The following USH2A variants were observed in gnomAD, a reference collection of about 807,000 sequenced individuals.
USH2A encodes the protein usherin.
In USH2A, 443 loss-of-function variants were observed where a neutral mutation model predicts 538.9. The ratio of observed to expected loss-of-function variants is 0.82; its 90% CI spans 0.76 to 0.89. The LOEUF (loss-of-function observed/expected upper bound fraction) is 0.89. Ranked by LOEUF, USH2A falls within the 40% of genes least tolerant of loss-of-function variation. The pLI, the probability that USH2A is intolerant of heterozygous loss-of-function variation, is 0.00. For missense variants in USH2A, 6,633 were observed against 6,324.8 expected (o/e 1.05, Z -1.65); for synonymous variants, 2,413 against 2,273.5 (o/e 1.06, Z -1.75).
intron 58 of USH2A, among the ~76,000 whole-genome samples, chr1:215,748,504 A>G (rs1454280347): frequency 6.6e-6 from 1 of 152,226 alleles, no homozygotes. Context: ...ACCTTAAAGA[A>G]ACTGCAAGCT....
intron 4 of USH2A, among the ~76,000 whole-genome samples, chr1:216,333,447 A>T (rs2102667937): frequency 6.6e-6 from 1 of 152,246 alleles, no homozygotes; most frequent in Admixed American, 6.5e-5. Context: ...TTGAGAAATT[A>T]ACAAAGCCCC....
At chr1:215,988,679 T>A (rs1338887144) in intron 35 of USH2A, among the ~76,000 whole-genome samples, 1 of 152,192 alleles carries the variant, frequency 6.6e-6, no homozygotes, top group African/African-American at 2.4e-5. Context: ...TTGTTTTCTG[T>A]TTTTTTCTTT....
intron 40 of USH2A, among the ~76,000 whole-genome samples, chr1:215,899,123 C>A (rs1216147851): frequency 1.3e-5 from 2 of 152,066 alleles, no homozygotes; most frequent in African/African-American, 4.8e-5. Context: ...TAAAATAATG[C>A]AATTAAAGGT....
intron 32 of USH2A, among the ~76,000 whole-genome samples, chr1:216,023,484 C>T (rs12023039): frequency 1.4e-5 from 1 of 72,474 alleles, no homozygotes; most frequent in African/African-American, 5.3e-5. Context: ...AAAAAAAAAT[C>T]AAAAAACAAA....
intron 21 of USH2A, among the ~76,000 whole-genome samples, chr1:216,139,839 T>C (rs1266978741): frequency 6.6e-6 from 1 of 152,218 alleles, no homozygotes; most frequent in Non-Finnish European, 1.5e-5. Context: ...AGGCCGCTGG[T>C]TATATATTTG....
intron 50 of USH2A, among the ~76,000 whole-genome samples, chr1:215,798,257 T>A (rs1474714253): frequency 6.6e-6 from 1 of 152,168 alleles, no homozygotes; most frequent in East Asian, 1.9e-4. Flanking sequence ...ACTGTGAACA[T>A]TAACTTCATA....
intron 61 of USH2A, among the ~76,000 whole-genome samples, chr1:215,688,733 T>G (rs1658510334): frequency 6.6e-6 from 1 of 152,086 alleles, no homozygotes; most frequent in African/African-American, 2.4e-5. Context: ...ACATTAATCC[T>G]ATAGGATGAA....
chr1:215,877,768 C>T lies in USH2A; in HGVS notation c.8671G>A (p.Gly2891Ser), dbSNP rs1316891540. 1.9e-6 allele frequency: 3 copies of T among 1,613,632 alleles called. No individual in the cohort carries two copies. The highest frequency in any genetic ancestry group is 2.5e-6 in the Non-Finnish European group (3 of 1,179,636). The change falls in exon 43 of 72, where the codon GGT (glycine) becomes AGT (serine). Residue 2891 changes from glycine (G) to serine (S), a missense_variant. Gly to Ser is a moderately conservative substitution (Grantham distance 56). Coordinates refer to ENST00000307340, the MANE Select transcript of USH2A (RefSeq NM_206933.4). ...TTTTTGTAATCTCACCTGCTAAGAC[C>T]CTTATCTTCATAAAGCCACTGAGTT... ...SGTQWLYEDK[G>S]LSRFTTYEYM...
chr1:216,361,219 AT>A (rs1356719160), intron 4 of USH2A, among the ~76,000 whole-genome samples: 1 of 152,110 alleles, frequency 6.6e-6, no homozygotes, highest in Non-Finnish European at 1.5e-5. Flanking sequence ...TGGGACAAAA[AT>A]TTTGACCCCT....
intron 38 of USH2A, among the ~76,000 whole-genome samples, chr1:215,914,138 ATT>A (rs1665888726): frequency 7.0e-6 from 1 of 142,902 alleles, no homozygotes; most frequent in Non-Finnish European, 1.5e-5. Flanking sequence ...CAGTGGTGCA[ATT>A]TCTGCTCACT....
At chr1:216,119,672 G>A (rs958614785) in intron 21 of USH2A, among the ~76,000 whole-genome samples, 1 of 151,840 alleles carries the variant, frequency 6.6e-6, no homozygotes, top group Non-Finnish European at 1.5e-5. Context: ...AAACAAAATT[G>A]AGCATGTATA....
At chr1:215,675,699 C>G (rs959685780) in intron 62 of USH2A, 83 bp from the exon 63 acceptor site, 2 of 1,606,036 alleles carry the variant, frequency 1.2e-6, no homozygotes, top group Admixed American at 3.4e-5. Flanking sequence ...TAACCTTCAC[C>G]CCCTTGTTCC....
chr1:215,678,624 A>T (rs1427462995), intron 62 of USH2A, among the ~76,000 whole-genome samples: 1 of 152,116 alleles, frequency 6.6e-6, no homozygotes, highest in Non-Finnish European at 1.5e-5. Flanking sequence ...CATCGCTCTC[A>T]GTAATTCCCT....
chr1:215,699,960 T>TA (rs1441815099), intron 61 of USH2A, among the ~76,000 whole-genome samples: 2 of 152,204 alleles, frequency 1.3e-5, no homozygotes, highest in Non-Finnish European at 2.9e-5. Context: ...AAATAGCTCT[T>TA]ATTATTTTGA....
chr1:216,076,664 G>A (rs2031763995), intron 27 of USH2A, among the ~76,000 whole-genome samples: 1 of 152,080 alleles, frequency 6.6e-6, no homozygotes, highest in South Asian at 2.1e-4. Flanking sequence ...TACATCTTAA[G>A]TGCCTTGAAA....
At chr1:215,736,479 A>G (rs981952422) in intron 60 of USH2A, among the ~76,000 whole-genome samples, 1 of 151,992 alleles carries the variant, frequency 6.6e-6, no homozygotes, top group African/African-American at 2.4e-5. Flanking sequence ...TTGATAAACT[A>G]GTTAGCATTT....
At chr1:215,907,677 A>G (rs1349074606) in intron 38 of USH2A, among the ~76,000 whole-genome samples, 1 of 152,068 alleles carries the variant, frequency 6.6e-6, no homozygotes, top group Non-Finnish European at 1.5e-5. Flanking sequence ...CTGACTCAAA[A>G]TGGTCATATA....
intron 55 of USH2A, among the ~76,000 whole-genome samples, chr1:215,774,616 G>A (rs1661404064): frequency 6.6e-6 from 1 of 151,860 alleles, no homozygotes; most frequent in Admixed American, 6.6e-5. Context: ...GCATTTCCAG[G>A]CAGACTTTTC....
intron 47 of USH2A, among the ~76,000 whole-genome samples, chr1:215,828,823 G>T (rs771550254): frequency 6.6e-5 from 10 of 152,076 alleles, no homozygotes; most frequent in Non-Finnish European, 8.8e-5. Flanking sequence ...CATCTTTCTT[G>T]TTTGTGTTAT....
Sources: allele counts gnomAD v4.1 joint callset (sites outside exome capture counted in the v4.1 genomes callset), GRCh38; gene constraint gnomAD v4.1.1; transcripts MANE v1.5; gene names NCBI Gene and HGNC (gene_info 2026-07-23, HGNC 2026-07-21).